PAQR3: variants seen among roughly 807,000 people sequenced by gnomAD.
The protein encoded by PAQR3 is Raf kinase trapping to Golgi.
In PAQR3, 39 loss-of-function variants were observed where a neutral mutation model predicts 41.7. The observed-to-expected ratio is 0.93, with a 90% CI of 0.72 to 1.22. The LOEUF is 1.22. Ranked by LOEUF, PAQR3 falls within the 50% of genes most tolerant of loss-of-function variation. PAQR3 has a pLI of 0.00. For synonymous variants in PAQR3, 140 were observed against 140.6 expected (o/e 1.00, Z 0.03); for missense variants, 366 against 385.6 (o/e 0.95, Z 0.42).
rs1213816631 is a variant in PAQR3 at position 78,916,594 on chromosome 4, T to TAATA, written c.*3941_*3944dup. On this transcript the variant is annotated 3_prime_UTR_variant, in exon 6 of 6. Transcript: ENST00000512733. Reference sequence around the variant, plus strand: ...TAAGAGTTTTTGCCACAAGAACACTTAATAGCACGACTTTTTCAGTGAGTC... The same window carrying TAATA: ...TAAGAGTTTTTGCCACAAGAACACTTAATAAATAGCACGACTTTTTCAGTGAGTC... 6.6e-6 allele frequency: 1 copy of TAATA among 151,882 alleles called. No individual in the cohort carries two copies. The highest frequency in any genetic ancestry group is 2.4e-5 in the African/African-American group (1 of 41,406). The allele number at this position is 151,882 out of a possible 1,614,324, so 9.4% of individuals were successfully genotyped here. A position where few individuals can be genotyped will look rare whatever the true frequency, so the allele number is the denominator to read the frequency against.
At chr4:78,931,203 A>AG (rs1736853205) in intron 2 of PAQR3, among the ~76,000 whole-genome samples, 1 of 150,238 alleles carries the variant, frequency 6.7e-6, no homozygotes, top group Non-Finnish European at 1.5e-5. Flanking sequence ...AAAAAAAAAA[A>AG]AAAAAAAAAT....
At chr4:78,925,713 G>C (rs1471058886) in intron 4 of PAQR3, among the ~76,000 whole-genome samples, 4 of 152,098 alleles carry the variant, frequency 2.6e-5, no homozygotes. Flanking sequence ...CCATTGCAAT[G>C]AGTATATGTG....
At position 78,918,433 on chromosome 4, in the gene PAQR3, T is replaced by C; in HGVS notation, c.*2106A>G. The C allele has an allele frequency of 1.0e-6, 1 of 971,362 alleles. No individual in the cohort carries two copies. Among genetic ancestry groups the C allele is most frequent in the Non-Finnish European group, 1.2e-6 (1 of 816,896 alleles). 60.2% of individuals were successfully genotyped at this position (971,362 alleles called of 1,614,324 possible). A position where few individuals can be genotyped will look rare whatever the true frequency, so the allele number is the denominator to read the frequency against. ...TGTTTCTAGTTAACAGCAATCCATATTCATTCATTCATTCCCTATTTTATA... is the reference window on the plus strand; with the variant it reads ...TGTTTCTAGTTAACAGCAATCCATACTCATTCATTCATTCCCTATTTTATA... On this transcript the variant is annotated 3_prime_UTR_variant, in exon 6 of 6. Transcript: ENST00000512733.
chr4:78,925,706 T>C (rs1233286708), intron 4 of PAQR3, among the ~76,000 whole-genome samples: 3 of 152,186 alleles, frequency 2.0e-5, no homozygotes, highest in African/African-American at 4.8e-5. Context: ...AAAGGTACCA[T>C]TGCAATGAGT....
At chr4:78,938,977 A>G in intron 1 of PAQR3, 63 bp downstream of exon 1, 1 of 1,437,288 alleles carries the variant, frequency 7.0e-7, no homozygotes, top group Non-Finnish European at 9.5e-7. Context: ...CAGAAGGGGG[A>G]CCAGACAAAA....
intron 2 of PAQR3, among the ~76,000 whole-genome samples, chr4:78,931,301 T>A (rs1736871358): frequency 6.6e-6 from 1 of 151,386 alleles, no homozygotes; most frequent in Non-Finnish European, 1.5e-5. Flanking sequence ...GAGGCTGCAG[T>A]GAGCCGTGAC....
At chr4:78,933,043 A>G in intron 2 of PAQR3, 3 of 393,626 alleles carry the variant, frequency 7.6e-6, no homozygotes, top group South Asian at 1.9e-5. Context: ...ATCTTTCTCC[A>G]TTCTCCTAGG....
intron 5 of PAQR3, chr4:78,922,019 C>A: frequency 9.9e-7 from 1 of 1,007,940 alleles, no homozygotes; most frequent in Non-Finnish European, 1.2e-6. Flanking sequence ...AGGCCTAAAA[C>A]CCACTATGGT....
At chr4:78,932,863 G>A (rs900954738) in intron 2 of PAQR3, among the ~76,000 whole-genome samples, 2 of 152,122 alleles carry the variant, frequency 1.3e-5, no homozygotes, top group African/African-American at 4.8e-5. Context: ...TGGACTGAAA[G>A]ATAATCTGGC....
In PAQR3 at chr4:78,917,308, G is replaced by C. The variant is rs1735173844; in HGVS notation, c.*3231C>G. 6.6e-6 allele frequency: 1 copy of C among 151,914 alleles called. No homozygotes were observed. The highest frequency in any genetic ancestry group is 1.5e-5 in the Non-Finnish European group (1 of 67,882). 9.4% of individuals were successfully genotyped at this position (151,914 alleles called of 1,614,324 possible). On this transcript the variant is annotated 3_prime_UTR_variant, in exon 6 of 6. Transcript: ENST00000512733. ...CACAATTGAGATTATGTGCAGGTTA[G>C]GTAGTATTTTGATCTCAGATTTTAT...
intron 3 of PAQR3, among the ~76,000 whole-genome samples, chr4:78,928,522 T>C (rs1422698540): frequency 6.6e-6 from 1 of 152,208 alleles, no homozygotes; most frequent in African/African-American, 2.4e-5. Context: ...ATACCAGATA[T>C]GTTGACAGTA....
chr4:78,917,774 A>AGTT lies in PAQR3; in HGVS notation c.*2762_*2764dup. ...TCTAGTAGGTACCTGCCAAATGGAG[A>AGTT]GTTGTACAGTTTTACGGAAGTCAAT... On this transcript the variant is annotated 3_prime_UTR_variant, in exon 6 of 6. Transcript: ENST00000512733. 10 of 975,074 alleles carry AGTT rather than the reference A, an allele frequency of 1.0e-5. No homozygotes were observed. The highest frequency in any genetic ancestry group is 1.1e-5 in the Non-Finnish European group (9 of 820,366). 60.4% of individuals were successfully genotyped at this position (975,074 alleles called of 1,614,324 possible).
In PAQR3 at chr4:78,912,202, T is replaced by C. The variant is rs1734676068; in HGVS notation, c.*8337A>G. 1.6e-6 allele frequency: 1 copy of C among 627,888 alleles called. No homozygotes were observed. Among genetic ancestry groups the C allele is most frequent in the Non-Finnish European group, 2.7e-6 (1 of 375,674 alleles). 38.9% of individuals were successfully genotyped at this position (627,888 alleles called of 1,614,324 possible). A position where few individuals can be genotyped will look rare whatever the true frequency, so the allele number is the denominator to read the frequency against. On this transcript the variant is annotated 3_prime_UTR_variant, in exon 6 of 6. Transcript: ENST00000512733. ...AGAAGAATGAAGTATCTCTACAGGG[T>C]AGTAACTTGATTCCTCTTCAGGAGA...
chr4:78,922,538 G>C, intron 5 of PAQR3: 1 of 927,570 alleles, frequency 1.1e-6, no homozygotes, highest in Non-Finnish European at 1.5e-6. Context: ...TGTTATTTCT[G>C]ACCCATGCCA....
chr4:78,890,395 C>T (rs1733366044), intron 11 of PAQR3, among the ~76,000 whole-genome samples: 1 of 139,916 alleles, frequency 7.1e-6, no homozygotes, highest in Admixed American at 6.7e-5. Flanking sequence ...CACACATACA[C>T]AATCATGCGC....
Position 78,926,712 on chromosome 4 carries a change from G to A in PAQR3, c.511C>T (p.Arg171Cys), listed in dbSNP as rs532816752. ...AGCACTGTGATCAAGTACACCTGAC[G>A]CCAGTACTAGAATGAAAGGAAATCA... ...FYAFYCNNYWRQVYLITVLAM... is the reference protein window; with the variant it reads ...FYAFYCNNYWCQVYLITVLAM... The change falls in exon 4 of 6, where the codon CGT becomes TGT. Residue 171 changes from arginine (R) to cysteine (C), a missense_variant. Arg to Cys is a radical substitution (Grantham distance 180, BLOSUM62 -3). Coordinates refer to ENST00000512733, the MANE Select transcript of PAQR3 (RefSeq NM_001040202.2). The A allele has an allele frequency of 3.7e-6, 6 of 1,613,128 alleles. No homozygotes were observed. The highest frequency in any genetic ancestry group is 2.2e-5 in the East Asian group (1 of 44,880).
chr4:78,919,466 G>C lies in PAQR3; in HGVS notation c.*1073C>G. On this transcript the variant is annotated 3_prime_UTR_variant, in exon 6 of 6. Transcript: ENST00000512733. ...TTAATGCTTCAGGCCCAAATATTAA[G>C]TGTTTATCAAGATTCTGAGTTATCA... The C allele has an allele frequency of 2.0e-6, 2 of 984,946 alleles. No individual in the cohort carries two copies. The highest frequency in any genetic ancestry group is 2.4e-6 in the Non-Finnish European group (2 of 829,594). The allele number at this position is 984,946 out of a possible 1,614,324, so 61.0% of individuals were successfully genotyped here.
At chr4:78,938,426 G>C (rs1023272258) in intron 1 of PAQR3, among the ~76,000 whole-genome samples, 5 of 152,058 alleles carry the variant, frequency 3.3e-5, no homozygotes, top group Non-Finnish European at 7.4e-5. Flanking sequence ...CCCGTTATGA[G>C]CTCTCTTTAC....
chr4:78,912,064 C>G lies in PAQR3; in HGVS notation c.*8475G>C, dbSNP rs1334458761. The stretch of plus-strand genomic sequence containing the variant: ...TCTGATGGATTCTCGGCATTAACTC[C>G]TGTTTCAAAAAAGTGTGAACAGTTT... On this transcript the variant is annotated 3_prime_UTR_variant, in exon 6 of 6. Transcript: ENST00000512733. 8 of 1,535,914 alleles carry G rather than the reference C, an allele frequency of 5.2e-6. No homozygotes were observed. The highest frequency in any genetic ancestry group is 7.0e-6 in the Non-Finnish European group (8 of 1,137,426).
Sources: allele counts gnomAD v4.1 joint callset (sites outside exome capture counted in the v4.1 genomes callset), GRCh38; gene constraint gnomAD v4.1.1; transcripts MANE v1.5; gene names NCBI Gene and HGNC (gene_info 2026-07-23, HGNC 2026-07-21).